SYNE3: variants seen among roughly 807,000 people sequenced by gnomAD.
SYNE3 encodes spectrin repeat containing nuclear envelope family member 3.
In SYNE3, 100 loss-of-function variants were observed where a neutral mutation model predicts 111.2. That is an observed-to-expected ratio of 0.90 (90% CI 0.77 to 1.06). The LOEUF (loss-of-function observed/expected upper bound fraction) is 1.06. Among genes scored for constraint, SYNE3 ranks in the 50% least tolerant of loss-of-function variants. The pLI is 0.00. For missense variants in SYNE3, 1,160 were observed against 1,240.3 expected (o/e 0.94, Z 0.97); for synonymous variants, 547 against 533.9 (o/e 1.02, Z -0.34).
At chr14:95,435,513 A>G (rs528090381) in intron 15 of SYNE3, among the ~76,000 whole-genome samples, 4 of 152,342 alleles carry the variant, frequency 2.6e-5, no homozygotes, top group East Asian at 1.9e-4. Context: ...TGTTTAAATG[A>G]TATCACAGTA....
At chr14:95,471,094 C>T (rs1358499746) in intron 2 of SYNE3, among the ~76,000 whole-genome samples, 1 of 152,198 alleles carries the variant, frequency 6.6e-6, no homozygotes, top group Non-Finnish European at 1.5e-5. Flanking sequence ...AACAAGGGAG[C>T]TGGGGACCCA....
At chr14:95,458,097 G>C (rs1887578974) in intron 4 of SYNE3, among the ~76,000 whole-genome samples, 1 of 152,186 alleles carries the variant, frequency 6.6e-6, no homozygotes, top group South Asian at 2.1e-4. Flanking sequence ...TGGAAAAACA[G>C]TGGTGTCCTG....
chr14:95,435,525 G>A (rs1886036593), intron 15 of SYNE3, among the ~76,000 whole-genome samples: 1 of 152,132 alleles, frequency 6.6e-6, no homozygotes, highest in Admixed American at 6.5e-5. Flanking sequence ...ATCACAGTAG[G>A]AGAGGAGAAA....
chr14:95,461,884 T>TGCC (rs1487735498), intron 4 of SYNE3, among the ~76,000 whole-genome samples: 1 of 152,098 alleles, frequency 6.6e-6, no homozygotes, highest in African/African-American at 2.4e-5. Flanking sequence ...GTATGTGGAG[T>TGCC]GCCCACCCAC....
At chr14:95,484,465 T>A (rs1595247571) in intron 1 of SYNE3, among the ~76,000 whole-genome samples, 1 of 152,156 alleles carries the variant, frequency 6.6e-6, no homozygotes, top group African/African-American at 2.4e-5. Context: ...GCTGGCAGTG[T>A]GGGCGGAGCC....
rs770091322 is a variant in SYNE3, at chr14:95,467,933, C to T, written c.179G>A (p.Arg60Lys). The T allele has an allele frequency of 1.4e-5, 22 of 1,613,484 alleles. No individual in the cohort carries two copies. Among genetic ancestry groups the T allele is most frequent in the Non-Finnish European group, 1.8e-5 (21 of 1,179,600 alleles). The change falls in exon 3 of 18, where the codon AGG becomes AAG. Residue 60 changes from arginine (R) to lysine (K), a missense_variant. Physicochemically the swap from Arg to Lys is conservative, Grantham distance 26. Coordinates refer to ENST00000682763, the MANE Select transcript of SYNE3 (RefSeq NM_152592.6). The stretch of plus-strand genomic sequence containing the variant: ...AGCCATCCGTAGCACGAGGTCCACC[C>T]TCACACGCCCCTCGGGCTCCAGCTG... ...ICQLEPEGRV[R>K]VDLVLRMAEA...
chr14:95,444,347 G>T, intron 10 of SYNE3, 138 bp downstream of exon 10: 2 of 1,140,856 alleles, frequency 1.8e-6, no homozygotes, highest in Non-Finnish European at 2.4e-6. Context: ...TGAGGTGAAA[G>T]GTCAGATCTC....
chr14:95,429,006 C>T (rs924809310), intron 17 of SYNE3, among the ~76,000 whole-genome samples: 1 of 152,228 alleles, frequency 6.6e-6, no homozygotes. Flanking sequence ...GGCAAGATTA[C>T]AGCCTCTGAA....
intron 15 of SYNE3, 25 bp from the exon 16 acceptor site, chr14:95,433,434 T>C: frequency 3.7e-6 from 6 of 1,612,416 alleles, no homozygotes; most frequent in Non-Finnish European, 5.1e-6. Context: ...AGCGTCATGG[T>C]GCGGCTTCCA....
At chr14:95,420,187 T>A (rs574290866) in intron 17 of SYNE3, among the ~76,000 whole-genome samples, 1 of 129,678 alleles carries the variant, frequency 7.7e-6, no homozygotes, top group East Asian at 2.5e-4. Flanking sequence ...AGCAGTGACT[T>A]CGGGAGTGGA....
intron 15 of SYNE3, among the ~76,000 whole-genome samples, chr14:95,435,303 G>A (rs1012927650): frequency 1.3e-5 from 2 of 152,050 alleles, no homozygotes; most frequent in African/African-American, 4.8e-5. Flanking sequence ...AGAAGTTCTA[G>A]AACTGATAAC....
intron 1 of SYNE3, among the ~76,000 whole-genome samples, chr14:95,508,040 G>A (rs1026893755): frequency 1.3e-5 from 2 of 152,240 alleles, no homozygotes; most frequent in African/African-American, 4.8e-5. Context: ...TTAGGAGGCT[G>A]AGTGACTCAC....
In SYNE3 at chr14:95,450,124, G is replaced by T; in HGVS notation, c.1275-19C>A. The T allele has an allele frequency of 6.4e-7, 1 of 1,564,890 alleles. No individual in the cohort carries two copies. The highest frequency in any genetic ancestry group is 8.7e-7 in the Non-Finnish European group (1 of 1,153,294). ...CTTCAGGCTGCAAGGAGCGTGGAGG[G>T]AGAAAATGAGGGAGGAGAGAGAGTG... On this transcript the variant is annotated intron_variant, in intron 7 of 17. Transcript: ENST00000682763.
In SYNE3 at chr14:95,415,695, T is replaced by C. The variant is rs1903558323; in HGVS notation, c.*2131A>G. 1 of 43,792 alleles carries C rather than the reference T, an allele frequency of 2.3e-5. No homozygotes were observed. The highest frequency in any genetic ancestry group is 7.3e-4 in the South Asian group (1 of 1,366). The allele number at this position is 43,792 out of a possible 1,614,324, so 2.7% of individuals were successfully genotyped here. A position where few individuals can be genotyped will look rare whatever the true frequency, so the allele number is the denominator to read the frequency against. On this transcript the variant is annotated 3_prime_UTR_variant, in exon 18 of 18. Coordinates refer to ENST00000682763, the MANE Select transcript of SYNE3 (RefSeq NM_152592.6). ...AGCCTACAGCTTATCATAAAGCTATTCAAAAAAAAAAAAAAATGGCCAGGC... is the reference window on the plus strand; with the variant it reads ...AGCCTACAGCTTATCATAAAGCTATCCAAAAAAAAAAAAAAATGGCCAGGC...
chr14:95,446,405 G>A (rs1247419756), intron 8 of SYNE3, among the ~76,000 whole-genome samples: 1 of 151,964 alleles, frequency 6.6e-6, no homozygotes, highest in Admixed American at 6.6e-5. Flanking sequence ...CGACTGCAGT[G>A]CACCCTCAGC....
intron 1 of SYNE3, among the ~76,000 whole-genome samples, chr14:95,478,588 A>G (rs1401227835): frequency 1.3e-5 from 2 of 152,160 alleles, no homozygotes; most frequent in African/African-American, 4.8e-5. Flanking sequence ...TCCCACAGCC[A>G]TTGCACAGGC....
chr14:95,448,235 C>A (rs1002388890), intron 8 of SYNE3, among the ~76,000 whole-genome samples: 1 of 151,686 alleles, frequency 6.6e-6, no homozygotes, highest in Non-Finnish European at 1.5e-5. Context: ...GATTTGGGAT[C>A]TTCTGATCTA....
chr14:95,417,584 T>C lies in SYNE3; in HGVS notation c.*242A>G, dbSNP rs17755477. On this transcript the variant is annotated 3_prime_UTR_variant, in exon 18 of 18. Coordinates refer to ENST00000682763, the MANE Select transcript of SYNE3 (RefSeq NM_152592.6). ...TACATACTGAGCATTTACATACAGA[T>C]CATATAAAAATTCTAGACATTATTC... 0.14 allele frequency: 76,511 copies of C among 566,266 alleles called. 5,705 individuals carry two copies. Among genetic ancestry groups the C allele is most frequent in the African/African-American group, 0.17 (9,264 of 53,282 alleles). The allele number at this position is 566,266 out of a possible 1,614,324, so 35.1% of individuals were successfully genotyped here. A position where few individuals can be genotyped will look rare whatever the true frequency, so the allele number is the denominator to read the frequency against.
At chr14:95,438,777 C>T (rs1371715752) in intron 14 of SYNE3, 1 of 401,592 alleles carries the variant, frequency 2.5e-6, no homozygotes, top group Non-Finnish European at 4.6e-6. Context: ...AGGTGAGTAT[C>T]TGACTGGCTA....
Sources: gnomAD v4.1 joint callset for allele counts (sites outside exome capture counted in the v4.1 genomes callset) on GRCh38, gnomAD v4.1.1 for gene constraint, MANE v1.5 for transcripts, NCBI Gene and HGNC (gene_info 2026-07-23, HGNC 2026-07-21) for gene names.